The following GPR39 variants were observed in gnomAD, a reference collection of about 807,000 sequenced individuals.
The protein encoded by GPR39 is zinc sensing receptor.
Under a neutral mutation model 18.4 loss-of-function variants are expected in GPR39, and 23 were observed. The observed-to-expected ratio is 1.25, with a 90% CI of 0.90 to 1.77. The LOEUF (loss-of-function observed/expected upper bound fraction) is 1.77. Ranked by LOEUF, GPR39 falls within the 40% of genes most tolerant of loss-of-function variation. The pLI is 0.00. For synonymous variants in GPR39, 280 were observed against 257.9 expected (o/e 1.09, Z -0.82); for missense variants, 647 against 602.4 (o/e 1.07, Z -0.78).
intron 1 of GPR39, among the ~76,000 whole-genome samples, chr2:132,631,486 A>G (rs576568848): frequency 2.4e-4 from 36 of 152,302 alleles, no homozygotes; most frequent in African/African-American, 8.4e-4. Flanking sequence ...GCCTGATACC[A>G]TCTCAACCTT....
intron 1 of GPR39, among the ~76,000 whole-genome samples, chr2:132,596,821 G>A (rs554853686): frequency 3.0e-4 from 46 of 152,252 alleles, no homozygotes; most frequent in East Asian, 1.2e-3. Flanking sequence ...ATGGAACTTC[G>A]GTAGAAATGT....
chr2:132,625,589 G>A (rs79155301), intron 1 of GPR39, among the ~76,000 whole-genome samples: 1,958 of 152,254 alleles, frequency 0.013, 47 homozygotes, highest in African/African-American at 0.045. Context: ...AGAAGGGGGG[G>A]AAATGCCATG....
intron 1 of GPR39, among the ~76,000 whole-genome samples, chr2:132,464,450 T>A (rs577972834): frequency 6.6e-6 from 1 of 152,326 alleles, no homozygotes; most frequent in East Asian, 1.9e-4. Context: ...ACAAACAACC[T>A]AGTTTATTCT....
intron 1 of GPR39, among the ~76,000 whole-genome samples, chr2:132,591,070 T>C (rs1034365528): frequency 4.0e-5 from 6 of 149,864 alleles, no homozygotes; most frequent in Admixed American, 1.3e-4. Flanking sequence ...GCTAACAAGG[T>C]GAAACCCCGT....
chr2:132,520,555 C>A (rs1334712965), intron 1 of GPR39, among the ~76,000 whole-genome samples: 2 of 152,214 alleles, frequency 1.3e-5, no homozygotes, highest in Admixed American at 6.5e-5. Flanking sequence ...CAAGAGGGAA[C>A]TGATGATGAG....
intron 1 of GPR39, among the ~76,000 whole-genome samples, chr2:132,418,903 T>C (rs1383467958): frequency 6.6e-6 from 1 of 152,192 alleles, no homozygotes; most frequent in Non-Finnish European, 1.5e-5. Context: ...CCCTGTGGCA[T>C]CAGGAAAAGG....
At chr2:132,582,915 CTTTTTTT>C (rs5834320) in intron 1 of GPR39, among the ~76,000 whole-genome samples, 14 of 101,640 alleles carry the variant, frequency 1.4e-4, no homozygotes, top group Non-Finnish European at 2.5e-4. Context: ...TTCTTTCTTT[CTTTTTTT>C]TTTTTTTTTT....
At chr2:132,519,912 T>C (rs1304921223) in intron 1 of GPR39, among the ~76,000 whole-genome samples, 7 of 152,206 alleles carry the variant, frequency 4.6e-5, no homozygotes, top group Non-Finnish European at 1.5e-5. Flanking sequence ...CAGAGAGCTC[T>C]GTCTAAAATG....
intron 1 of GPR39, among the ~76,000 whole-genome samples, chr2:132,597,663 G>A (rs910697802): frequency 1.3e-5 from 2 of 152,158 alleles, no homozygotes; most frequent in Admixed American, 6.5e-5. Context: ...AAAGCCATAG[G>A]CATTTGGCAT....
At chr2:132,565,098 C>T (rs1293770734) in intron 1 of GPR39, among the ~76,000 whole-genome samples, 1 of 151,936 alleles carries the variant, frequency 6.6e-6, no homozygotes, top group African/African-American at 2.4e-5. Flanking sequence ...GGATTACAGG[C>T]GTGAGTCACC....
chr2:132,451,174 T>TGTGTGCGTGTGC lies in GPR39; in HGVS notation c.856+33277_856+33278insTGTGCGTGTGCG, dbSNP rs3219552. 4.5e-4 allele frequency among the ~76,000 whole-genome samples: 67 copies of TGTGTGCGTGTGC among 150,354 alleles called. 3 individuals carry two copies. Reference sequence around the variant, plus strand: ...GTGTGTGTGTGTGTGTGTGTGTGTGTGCACGCGCGTGAAATGCTTTGCCCT... The same window carrying TGTGTGCGTGTGC: ...GTGTGTGTGTGTGTGTGTGTGTGTGTGTGTGCGTGTGCGCACGCGCGTGAAATGCTTTGCCCT... On this transcript the variant is annotated intron_variant, in intron 1 of 1. Coordinates refer to ENST00000329321, the MANE Select transcript of GPR39 (RefSeq NM_001508.3).
At chr2:132,583,143 C>T (rs977927737) in intron 1 of GPR39, among the ~76,000 whole-genome samples, 2 of 151,942 alleles carry the variant, frequency 1.3e-5, no homozygotes, top group South Asian at 4.2e-4. Context: ...ACACTCCTGA[C>T]CTCAAGTGAT....
At chr2:132,552,159 C>A (rs1680055743) in intron 1 of GPR39, among the ~76,000 whole-genome samples, 1 of 152,250 alleles carries the variant, frequency 6.6e-6, no homozygotes, top group African/African-American at 2.4e-5. Flanking sequence ...ACAATATTTA[C>A]ATAGTATTTA....
chr2:132,519,220 T>TA (rs1309653811), intron 1 of GPR39, among the ~76,000 whole-genome samples: 1 of 152,224 alleles, frequency 6.6e-6, no homozygotes, highest in Non-Finnish European at 1.5e-5. Context: ...TAGATCCTCA[T>TA]AAATATCCTT....
chr2:132,518,453 G>A (rs13027981), intron 1 of GPR39, among the ~76,000 whole-genome samples: 18,899 of 152,138 alleles, frequency 0.12, 2,126 homozygotes, highest in East Asian at 0.61. Context: ...TATGCACTGC[G>A]AGTAATGTGT....
Position 132,431,139 on chromosome 2 carries a change from T to C in GPR39, c.856+13241T>C, listed in dbSNP as rs370780791. ...TCACTCACTCACCTAGGTCACTCAC[T>C]GACCAAGTATCAGGTTGTGGCTGCT... On this transcript the variant is annotated intron_variant, in intron 1 of 1. Transcript: ENST00000329321. 3.9e-5 allele frequency among the ~76,000 whole-genome samples: 6 copies of C among 152,316 alleles called. No homozygotes were observed. The East Asian group carries it at 1.2e-3, about 30-fold the overall frequency.
intron 1 of GPR39, among the ~76,000 whole-genome samples, chr2:132,452,647 G>A (rs1305766488): frequency 6.6e-6 from 1 of 150,688 alleles, no homozygotes; most frequent in East Asian, 2.0e-4. Flanking sequence ...CCCCCAATAG[G>A]CCCCAGTGTT....
At chr2:132,513,221 G>A (rs907768312) in intron 1 of GPR39, among the ~76,000 whole-genome samples, 2 of 152,196 alleles carry the variant, frequency 1.3e-5, no homozygotes, top group Non-Finnish European at 2.9e-5. Context: ...CCAGAAGTAG[G>A]ACAGCAACAT....
intron 1 of GPR39, among the ~76,000 whole-genome samples, chr2:132,571,514 G>C (rs1331168456): frequency 2.0e-5 from 3 of 152,178 alleles, no homozygotes; most frequent in Non-Finnish European, 2.9e-5. Context: ...AAACTACTCT[G>C]TAAAAATAAG....
Sources: allele counts gnomAD v4.1 joint callset (sites outside exome capture counted in the v4.1 genomes callset), GRCh38; gene constraint gnomAD v4.1.1; transcripts MANE v1.5; gene names NCBI Gene and HGNC (gene_info 2026-07-23, HGNC 2026-07-21).